DSCAM: variants seen among roughly 807,000 people sequenced by gnomAD.
The protein encoded by DSCAM is DS cell adhesion molecule.
DSCAM carries 47 observed loss-of-function variants against 217.7 expected under a neutral mutation model. That is an observed-to-expected ratio of 0.22 (90% CI 0.17 to 0.28). The LOEUF is 0.28. Ranked by LOEUF, DSCAM falls within the 10% of genes least tolerant of loss-of-function variation. The pLI is 1.00. For missense variants in DSCAM, 2,080 were observed against 2,618.3 expected (o/e 0.79, Z 4.49); for synonymous variants, 1,056 against 1,015.3 (o/e 1.04, Z -0.76).
chr21:40,496,750 G>C lies in DSCAM; in HGVS notation c.509-127505C>G, dbSNP rs2076121580. 5.9e-5 allele frequency among the ~76,000 whole-genome samples: 9 copies of C among 151,792 alleles called. No homozygotes were observed. In the South Asian group the frequency reaches 1.9e-3, roughly 32 times the overall value. On this transcript the variant is annotated intron_variant, in intron 3 of 32. Coordinates refer to ENST00000400454, the MANE Select transcript of DSCAM (RefSeq NM_001389.5). ...ATTTTCAAGCCATATGTCTGATAAG[G>C]GATTAATATCTAAAAGATATAAGGA...
chr21:40,547,929 C>T (rs1423438870), intron 3 of DSCAM, among the ~76,000 whole-genome samples: 1 of 152,118 alleles, frequency 6.6e-6, no homozygotes, highest in Non-Finnish European at 1.5e-5. Flanking sequence ...GTCCCGCAGC[C>T]CCCCAAATTG....
At chr21:40,501,640 G>A (rs2146036920) in intron 3 of DSCAM, among the ~76,000 whole-genome samples, 1 of 152,290 alleles carries the variant, frequency 6.6e-6, no homozygotes, top group East Asian at 1.9e-4. Flanking sequence ...TGCCCAGGCT[G>A]AAGTGCAATG....
intron 3 of DSCAM, among the ~76,000 whole-genome samples, chr21:40,433,397 C>CAT (rs2075554649): frequency 6.6e-6 from 1 of 150,868 alleles, no homozygotes; most frequent in Non-Finnish European, 1.5e-5. Context: ...GCACCAGCTG[C>CAT]ACGGGACCAA....
intron 3 of DSCAM, chr21:40,384,798 C>T (rs188875953): frequency 1.3e-5 from 2 of 152,300 alleles, no homozygotes; most frequent in Admixed American, 6.5e-5. Flanking sequence ...TGTTTGGTCT[C>T]ACTCCCCATG....
intron 11 of DSCAM, among the ~76,000 whole-genome samples, chr21:40,210,001 T>C (rs2091166299): frequency 6.6e-6 from 1 of 152,240 alleles, no homozygotes; most frequent in Non-Finnish European, 1.5e-5. Context: ...ATAATCTTGC[T>C]GCAACCTATG....
At chr21:40,814,001 G>T in intron 1 of DSCAM, among the ~76,000 whole-genome samples, 1 of 152,130 alleles carries the variant, frequency 6.6e-6, no homozygotes, top group East Asian at 1.9e-4. Flanking sequence ...TATGAGGCAG[G>T]CTCGATTCCC....
At chr21:40,730,443 G>T (rs564283280) in intron 1 of DSCAM, among the ~76,000 whole-genome samples, 3 of 152,174 alleles carry the variant, frequency 2.0e-5, no homozygotes, top group Non-Finnish European at 4.4e-5. Flanking sequence ...AAATTAAACC[G>T]ACCCAGGATC....
chr21:40,440,027 T>A (rs1164899011), intron 3 of DSCAM, among the ~76,000 whole-genome samples: 1 of 149,262 alleles, frequency 6.7e-6, no homozygotes, highest in African/African-American at 2.5e-5. Context: ...CTCAACAATT[T>A]ACAGTATTTA....
chr21:40,536,190 G>C (rs774367809), intron 3 of DSCAM, among the ~76,000 whole-genome samples: 4 of 152,166 alleles, frequency 2.6e-5, no homozygotes, highest in Non-Finnish European at 4.4e-5. Context: ...AGCGGAAACT[G>C]ATTTCCTGTG....
intron 11 of DSCAM, among the ~76,000 whole-genome samples, chr21:40,242,736 C>G (rs981369895): frequency 6.6e-6 from 1 of 152,196 alleles, no homozygotes; most frequent in Admixed American, 6.5e-5. Context: ...GGATCCTGAG[C>G]CCACAATAAG....
intron 32 of DSCAM, among the ~76,000 whole-genome samples, chr21:40,037,779 A>G (rs1476082143): frequency 9.5e-3 from 987 of 104,022 alleles, no homozygotes; most frequent in South Asian, 0.013. Context: ...CTACAAGGCT[A>G]CAGTAACCAA....
At chr21:40,795,176 C>T (rs1360055085) in intron 1 of DSCAM, among the ~76,000 whole-genome samples, 1 of 151,760 alleles carries the variant, frequency 6.6e-6, no homozygotes, top group Non-Finnish European at 1.5e-5. Context: ...AAACTTATTG[C>T]CTGTCCACAA....
chr21:40,316,901 CT>C (rs1205152093), intron 8 of DSCAM, among the ~76,000 whole-genome samples: 3 of 152,084 alleles, frequency 2.0e-5, no homozygotes, highest in Non-Finnish European at 2.9e-5. Context: ...GAGGGAAATG[CT>C]TTGATTTCTC....
At chr21:40,770,839 A>T (rs1601239366) in intron 1 of DSCAM, among the ~76,000 whole-genome samples, 1 of 152,246 alleles carries the variant, frequency 6.6e-6, no homozygotes, top group Non-Finnish European at 1.5e-5. Flanking sequence ...TAACCTAGCT[A>T]GGAAAACTTT....
Position 40,298,215 on chromosome 21 carries a change from G to A in DSCAM, c.2063-2041C>T, listed in dbSNP as rs376009483. Among the ~76,000 whole-genome samples the A allele has an allele frequency of 4.6e-5, 7 of 151,678 alleles. 1 individual carries two copies. Among genetic ancestry groups the A allele is most frequent in the East Asian group, 3.9e-4 (2 of 5,120 alleles). Reference sequence around the variant, plus strand: ...TCTGCCTCAGCCTCCTGAGTAGCTGGGATTACAGGTGCCTGCCATCACGCC... The same window carrying A: ...TCTGCCTCAGCCTCCTGAGTAGCTGAGATTACAGGTGCCTGCCATCACGCC... On this transcript the variant is annotated intron_variant, in intron 9 of 32. Transcript: ENST00000400454.
chr21:40,416,685 T>C (rs1370651638), intron 3 of DSCAM, among the ~76,000 whole-genome samples: 1 of 152,132 alleles, frequency 6.6e-6, no homozygotes, highest in East Asian at 1.9e-4. Flanking sequence ...GTTGATAGAA[T>C]TATTAAACTA....
At chr21:40,075,330 G>A (rs2089350657) in intron 26 of DSCAM, 117 bp from the exon 27 acceptor site, 1 of 1,088,408 alleles carries the variant, frequency 9.2e-7, no homozygotes, top group Admixed American at 2.7e-5. Context: ...GAGGTGATGA[G>A]AAATGAAAAG....
intron 3 of DSCAM, among the ~76,000 whole-genome samples, chr21:40,515,891 T>C (rs551906265): frequency 6.6e-6 from 1 of 152,118 alleles, no homozygotes; most frequent in Non-Finnish European, 1.5e-5. Flanking sequence ...ATGACCCACA[T>C]TCTTGGGAAC....
At chr21:40,548,279 A>G (rs548273900) in intron 3 of DSCAM, among the ~76,000 whole-genome samples, 116 of 152,270 alleles carry the variant, frequency 7.6e-4, no homozygotes, top group Non-Finnish European at 1.5e-3. Context: ...GGCTGCCTTC[A>G]GAGTTTAATT....
Sources: gnomAD v4.1 joint callset for allele counts (sites outside exome capture counted in the v4.1 genomes callset) on GRCh38, gnomAD v4.1.1 for gene constraint, MANE v1.5 for transcripts, NCBI Gene and HGNC (gene_info 2026-07-23, HGNC 2026-07-21) for gene names.